The following STRBP variants were observed in gnomAD, a reference collection of about 807,000 sequenced individuals.
STRBP encodes the protein spermatid perinuclear RNA-binding protein.
Under a neutral mutation model 80.1 loss-of-function variants are expected in STRBP, and 13 were observed. The observed-to-expected ratio is 0.16, with a 90% CI of 0.11 to 0.26. STRBP has a LOEUF of 0.26. STRBP is among the 10% of genes least tolerant of loss of function. The probability of loss-of-function intolerance (pLI) is 1.00; values close to 1 mark genes in which losing one functional copy is unlikely to be tolerated. For synonymous variants in STRBP, 284 were observed against 291.2 expected, an observed-to-expected ratio of 0.98 and a Z score of 0.25; for missense variants, 485 against 815.2, an observed-to-expected ratio of 0.59 and a Z score of 4.93.
intron 3 of STRBP, among the ~76,000 whole-genome samples, chr9:123,179,907 G>C (rs185210781): frequency 6.6e-6 from 1 of 152,168 alleles, no homozygotes; most frequent in African/African-American, 2.4e-5. Flanking sequence ...CTCATAAACT[G>C]CCAAAGACTT....
chr9:123,117,784 A>C (rs944711965), downstream of STRBP, among the ~76,000 whole-genome samples: 1 of 152,214 alleles, frequency 6.6e-6, no homozygotes, highest in African/African-American at 2.4e-5. Flanking sequence ...CTCATGACCT[A>C]TCTCAGGCCA....
In STRBP at chr9:123,170,132, C is replaced by T. The variant is rs949725091; in HGVS notation, c.391-86G>A. On this transcript the variant is annotated intron_variant, in intron 5 of 18. Transcript: ENST00000348403. ...AAAAACAATGCTTGTACTAAGTTCTCGAATGTTACTATTAATATTACTGTG... is the reference window on the plus strand; with the variant it reads ...AAAAACAATGCTTGTACTAAGTTCTTGAATGTTACTATTAATATTACTGTG... 2.0e-5 allele frequency: 26 copies of T among 1,298,882 alleles called. 1 individual carries two copies. The South Asian group carries it at 3.2e-4, about 16-fold the overall frequency. The allele number at this position is 1,298,882 out of a possible 1,614,324, so 80.5% of individuals were successfully genotyped here. A position where few individuals can be genotyped will look rare whatever the true frequency, so the allele number is the denominator to read the frequency against.
chr9:123,121,704 C>G lies in STRBP; in HGVS notation c.*3893G>C, dbSNP rs1017080975. ...GCATACAACACAGATCAGAGACTTTCATTTCTCGGAGAAGTTTTTCTCCTT... is the reference window on the plus strand; with the variant it reads ...GCATACAACACAGATCAGAGACTTTGATTTCTCGGAGAAGTTTTTCTCCTT... On this transcript the variant is annotated 3_prime_UTR_variant, in exon 19 of 19. Coordinates refer to ENST00000348403, the MANE Select transcript of STRBP (RefSeq NM_018387.5). 1 of 148,986 alleles carries G rather than the reference C, an allele frequency of 6.7e-6. No individual in the cohort carries two copies. Among genetic ancestry groups the G allele is most frequent in the South Asian group, 2.1e-4 (1 of 4,680 alleles). The allele number at this position is 148,986 out of a possible 1,614,324, so 9.2% of individuals were successfully genotyped here.
chr9:123,157,806 CACA>C (rs1344164791), intron 11 of STRBP, among the ~76,000 whole-genome samples: 2 of 151,926 alleles, frequency 1.3e-5, no homozygotes, highest in African/African-American at 4.8e-5. Context: ...CGGTCTGTCC[CACA>C]ACACCTAGGG....
rs1251945746 is a variant in STRBP at position 123,125,392 on chromosome 9, T to C, written c.*205A>G. 1.6e-6 allele frequency: 2 copies of C among 1,237,280 alleles called. No homozygotes were observed. Among genetic ancestry groups the C allele is most frequent in the Non-Finnish European group, 2.0e-6 (2 of 991,832 alleles). 76.6% of individuals were successfully genotyped at this position (1,237,280 alleles called of 1,614,324 possible). ...GTTATTTTCCAGAAATGAGGTACCG[T>C]TTTCACAGAACTGGTTTCTTTTTTT... On this transcript the variant is annotated 3_prime_UTR_variant, in exon 19 of 19. Coordinates refer to ENST00000348403, the MANE Select transcript of STRBP (RefSeq NM_018387.5).
intron 1 of STRBP, among the ~76,000 whole-genome samples, chr9:123,263,571 CT>C (rs2041204350): frequency 6.7e-6 from 1 of 148,770 alleles, no homozygotes; most frequent in South Asian, 2.1e-4. Flanking sequence ...TACATTTTTG[CT>C]GTGTCAATCA....
intron 2 of STRBP, among the ~76,000 whole-genome samples, chr9:123,235,765 TTCTA>T (rs1195541908): frequency 6.6e-6 from 1 of 152,134 alleles, no homozygotes; most frequent in Non-Finnish European, 1.5e-5. Context: ...GTCATGTTAT[TTCTA>T]TCTATTAAAA....
In STRBP at chr9:123,178,928, AAC is replaced by A. The variant is rs373742829; in HGVS notation, c.224+77_224+78del. 10 of 1,387,340 alleles carry A rather than the reference AAC, an allele frequency of 7.2e-6. No homozygotes were observed. In the African/African-American group the frequency reaches 8.5e-5, roughly 12 times the overall value. 85.9% of individuals were successfully genotyped at this position (1,387,340 alleles called of 1,614,324 possible). A position where few individuals can be genotyped will look rare whatever the true frequency, so the allele number is the denominator to read the frequency against. Reference sequence around the variant, plus strand: ...TAAGACAAAATCCAAAAAACAGCATAACACACACTCAATCCAGCAGACCTTAG... The same window carrying A: ...TAAGACAAAATCCAAAAAACAGCATAACACACTCAATCCAGCAGACCTTAG... On this transcript the variant is annotated intron_variant, in intron 4 of 18. Transcript: ENST00000348403.
chr9:123,217,093 T>A (rs960982846), intron 2 of STRBP, among the ~76,000 whole-genome samples: 1 of 152,168 alleles, frequency 6.6e-6, no homozygotes, highest in Non-Finnish European at 1.5e-5. Flanking sequence ...CCCAATAACT[T>A]AAAGTCAGGC....
At chr9:123,189,390 A>G (rs142285425) in intron 2 of STRBP, among the ~76,000 whole-genome samples, 9,335 of 151,592 alleles carry the variant, frequency 0.062, 338 homozygotes, top group Non-Finnish European at 0.067. Context: ...GCAGCACACC[A>G]ACATGGCACA....
intron 1 of STRBP, among the ~76,000 whole-genome samples, chr9:123,245,071 ACTT>A (rs2040772247): frequency 6.6e-6 from 1 of 152,242 alleles, no homozygotes; most frequent in African/African-American, 2.4e-5. Flanking sequence ...ATACTATATT[ACTT>A]CATTTACATA....
chr9:123,226,570 C>T (rs1286441497), intron 2 of STRBP, among the ~76,000 whole-genome samples: 1 of 152,090 alleles, frequency 6.6e-6, no homozygotes. Context: ...CCTTTTCTCC[C>T]CAAAACCTAA....
chr9:123,194,300 G>A (rs540527567), intron 2 of STRBP, among the ~76,000 whole-genome samples: 1 of 152,076 alleles, frequency 6.6e-6, no homozygotes, highest in South Asian at 2.1e-4. Flanking sequence ...TAAATGAACT[G>A]TCCCCATTCC....
At chr9:123,185,058 CTTATA>C (rs1243265632) in intron 2 of STRBP, among the ~76,000 whole-genome samples, 2 of 151,234 alleles carry the variant, frequency 1.3e-5, no homozygotes, top group Non-Finnish European at 2.9e-5. Flanking sequence ...TGATGAAACA[CTTATA>C]TTATAAACCT....
At chr9:123,264,262 A>G (rs16926317) in intron 1 of STRBP, among the ~76,000 whole-genome samples, 4,790 of 152,334 alleles carry the variant, frequency 0.031, 248 homozygotes, top group African/African-American at 0.11. Flanking sequence ...ATCTTGGGCT[A>G]TAGCTAGAAC....
chr9:123,116,298 T>A (rs1235141775), intron 2 of STRBP, among the ~76,000 whole-genome samples: 1 of 152,056 alleles, frequency 6.6e-6, no homozygotes, highest in Non-Finnish European at 1.5e-5. Flanking sequence ...AGGCGGAACA[T>A]AAAACACATA....
intron 6 of STRBP, among the ~76,000 whole-genome samples, chr9:123,168,431 A>G (rs2037862416): frequency 6.6e-6 from 1 of 152,242 alleles, no homozygotes; most frequent in African/African-American, 2.4e-5. Context: ...GTTATGATAT[A>G]GATGATTTTA....
chr9:123,140,520 G>C (rs1046902629), intron 13 of STRBP, among the ~76,000 whole-genome samples: 1 of 152,122 alleles, frequency 6.6e-6, no homozygotes, highest in Non-Finnish European at 1.5e-5. Context: ...CTTGAACCTG[G>C]GAGGCGGAGG....
intron 18 of STRBP, 128 bp from the exon 19 acceptor site, chr9:123,125,801 AT>A (rs2035871793): frequency 3.4e-6 from 2 of 591,982 alleles, no homozygotes; most frequent in African/African-American, 1.9e-5. Context: ...CATGTATACC[AT>A]TTTGCAAGAG....
Sources: gnomAD v4.1 joint callset for allele counts (sites outside exome capture counted in the v4.1 genomes callset) on GRCh38, gnomAD v4.1.1 for gene constraint, MANE v1.5 for transcripts, NCBI Gene and HGNC (gene_info 2026-07-23, HGNC 2026-07-21) for gene names.